Variants in GPC5 observed in about 807,000 individuals in gnomAD.
GPC5 encodes the protein glypican-5.
A neutral mutation model predicts 53.9 loss-of-function variants in GPC5; 47 were observed. The ratio of observed to expected loss-of-function variants is 0.87; its 90% confidence interval spans 0.69 to 1.11. GPC5 has a LOEUF of 1.11. Ranked by LOEUF, GPC5 falls within the 50% of genes most tolerant of loss-of-function variation. The probability of loss-of-function intolerance (pLI) is 0.00; values close to 1 mark genes in which losing one functional copy is unlikely to be tolerated. For missense variants in GPC5, 748 were observed against 713.1 expected, an observed-to-expected ratio of 1.05 and a Z score of -0.56; for synonymous variants, 286 against 263.3, an observed-to-expected ratio of 1.09 and a Z score of -0.84.
At chr13:92,289,497 CAT>C (rs1386735702) in intron 7 of GPC5, among the ~76,000 whole-genome samples, 12 of 151,942 alleles carry the variant, frequency 7.9e-5, no homozygotes, top group African/African-American at 2.4e-5. Flanking sequence ...TTTAAAATAA[CAT>C]ATACATTAAG....
At chr13:92,016,438 G>A (rs1043609618) in intron 6 of GPC5, among the ~76,000 whole-genome samples, 5 of 152,126 alleles carry the variant, frequency 3.3e-5, no homozygotes, top group Admixed American at 2.6e-4. Flanking sequence ...CCATGTTCTA[G>A]TGACCCTGTA....
chr13:91,787,522 T>C (rs1566684246), intron 5 of GPC5, among the ~76,000 whole-genome samples: 1 of 152,190 alleles, frequency 6.6e-6, no homozygotes. Context: ...CCACTTGATT[T>C]TGATATCAAC....
chr13:91,853,768 A>T (rs7996272), intron 5 of GPC5, among the ~76,000 whole-genome samples: 20,974 of 151,920 alleles, frequency 0.14, 1,591 homozygotes, highest in African/African-American at 0.19. Context: ...AATAAAAAAT[A>T]AAGTCATTCA....
At chr13:91,758,715 T>A (rs1369705671) in intron 5 of GPC5, among the ~76,000 whole-genome samples, 1 of 152,154 alleles carries the variant, frequency 6.6e-6, no homozygotes, top group African/African-American at 2.4e-5. Flanking sequence ...TGATTCTTAG[T>A]ATTCCCATTT....
chr13:92,395,447 C>T lies in GPC5; in HGVS notation c.1561+250458C>T, dbSNP rs146599441. 4.6e-5 allele frequency among the ~76,000 whole-genome samples: 7 copies of T among 152,088 alleles called. No individual in the cohort carries two copies. In the East Asian group the frequency reaches 1.4e-3, roughly 29 times the overall value. On this transcript the variant is annotated intron_variant, in intron 7 of 7. Transcript: ENST00000377067. ...GTCATTTATTTTCCTTATCCCTATG[C>T]TATAGTTACCCAATACACTGTCTTT...
intron 1 of GPC5, among the ~76,000 whole-genome samples, chr13:91,409,270 A>T (rs1161692262): frequency 3.9e-5 from 6 of 152,144 alleles, no homozygotes; most frequent in South Asian, 2.1e-4. Context: ...AGGGGGAAAA[A>T]AGTCATTTTT....
chr13:91,494,833 G>T (rs534292180), intron 2 of GPC5, among the ~76,000 whole-genome samples: 2 of 152,176 alleles, frequency 1.3e-5, no homozygotes, highest in South Asian at 4.1e-4. Context: ...ATCTCCTTCA[G>T]TGCCAACTCT....
intron 2 of GPC5, among the ~76,000 whole-genome samples, chr13:91,652,674 A>G (rs565159286): frequency 6.6e-5 from 10 of 152,152 alleles, no homozygotes; most frequent in Non-Finnish European, 1.3e-4. Context: ...AAGCCTATAT[A>G]TTGTTTATTC....
chr13:92,808,965 A>C (rs1877199103), intron 7 of GPC5, among the ~76,000 whole-genome samples: 1 of 152,098 alleles, frequency 6.6e-6, no homozygotes, highest in African/African-American at 2.4e-5. Context: ...GGAGCTCAGT[A>C]TTCTCCCCTA....
At chr13:92,216,717 T>C (rs1490202033) in intron 7 of GPC5, among the ~76,000 whole-genome samples, 1 of 152,032 alleles carries the variant, frequency 6.6e-6, no homozygotes, top group Non-Finnish European at 1.5e-5. Context: ...CGGTGGCTCA[T>C]GCCTGTAATC....
chr13:92,663,322 G>C lies in GPC5; in HGVS notation c.1562-202960G>C, dbSNP rs182485822. 1.1e-3 allele frequency among the ~76,000 whole-genome samples: 163 copies of C among 152,044 alleles called. 1 individual carries two copies. Among genetic ancestry groups the C allele is most frequent in the African/African-American group, 3.6e-3 (151 of 41,472 alleles). ...CATAATGCAATTTATTATTATCAGA[G>C]ACAATATTTGATACAAGGGAGGGGG... On this transcript the variant is annotated intron_variant, in intron 7 of 7. Transcript: ENST00000377067.
At chr13:91,746,854 A>C (rs2037061118) in intron 4 of GPC5, among the ~76,000 whole-genome samples, 1 of 152,246 alleles carries the variant, frequency 6.6e-6, no homozygotes, top group Non-Finnish European at 1.5e-5. Context: ...AAAGGGCTTC[A>C]TCATATACTG....
At chr13:92,310,398 T>G (rs1566532232) in intron 7 of GPC5, among the ~76,000 whole-genome samples, 1 of 152,146 alleles carries the variant, frequency 6.6e-6, no homozygotes, top group Non-Finnish European at 1.5e-5. Context: ...TATTACTCAA[T>G]TCTCTGTTTA....
chr13:92,695,300 C>T (rs1887526636), intron 7 of GPC5, among the ~76,000 whole-genome samples: 1 of 151,976 alleles, frequency 6.6e-6, no homozygotes, highest in African/African-American at 2.4e-5. Context: ...AATTTAAGTT[C>T]CTTATAGATT....
At chr13:91,844,480 G>A (rs370666002) in intron 5 of GPC5, among the ~76,000 whole-genome samples, 2 of 152,122 alleles carry the variant, frequency 1.3e-5, no homozygotes, top group South Asian at 2.1e-4. Context: ...AATTGCACCC[G>A]AGTCTTCTCT....
intron 2 of GPC5, among the ~76,000 whole-genome samples, chr13:91,617,684 A>T (rs766684014): frequency 6.6e-6 from 1 of 151,674 alleles, no homozygotes; most frequent in African/African-American, 2.4e-5. Flanking sequence ...TCCTCAATAC[A>T]TTTACTTTAA....
At chr13:92,433,603 T>C (rs1226681414) in intron 7 of GPC5, among the ~76,000 whole-genome samples, 1 of 152,066 alleles carries the variant, frequency 6.6e-6, no homozygotes, top group East Asian at 1.9e-4. Context: ...GATATCAAGG[T>C]GATAGATGAA....
At chr13:92,162,733 A>G (rs1566463468) in intron 7 of GPC5, among the ~76,000 whole-genome samples, 1 of 152,184 alleles carries the variant, frequency 6.6e-6, no homozygotes. Flanking sequence ...TACAGTGTCA[A>G]GAATGTATGT....
At chr13:92,772,310 A>C (rs1875643887) in intron 7 of GPC5, among the ~76,000 whole-genome samples, 1 of 152,164 alleles carries the variant, frequency 6.6e-6, no homozygotes, top group South Asian at 2.1e-4. Context: ...CTTTATACAC[A>C]GGGATATAAA....
Sources: allele counts gnomAD v4.1 joint callset (sites outside exome capture counted in the v4.1 genomes callset), GRCh38; gene constraint gnomAD v4.1.1; transcripts MANE v1.5; gene names NCBI Gene and HGNC (gene_info 2026-07-23, HGNC 2026-07-21).